Variants in NR2C2 observed in about 807,000 individuals in gnomAD.
NR2C2 encodes Nuclear hormone receptor TR4.
Under a neutral mutation model 62.9 loss-of-function variants are expected in NR2C2, and 6 were observed. That is an observed-to-expected ratio of 0.10 (90% CI 0.05 to 0.19). The LOEUF is 0.19. Among genes scored for constraint, NR2C2 ranks in the 10% least tolerant of loss-of-function variants. The pLI, the probability that NR2C2 is intolerant of heterozygous loss-of-function variation, is 1.00. For missense variants in NR2C2, 479 were observed against 762.7 expected (o/e 0.63, Z 4.38); for synonymous variants, 272 against 273.8 (o/e 0.99, Z 0.07).
rs2042516799 is a variant in NR2C2 at position 15,048,029 on chromosome 3, T to G, written c.*5021T>G. On this transcript the variant is annotated 3_prime_UTR_variant, in exon 14 of 14. Coordinates refer to ENST00000425241, the MANE Select transcript of NR2C2 (RefSeq NM_001291694.2). ...GCCCAGCAGTAGTTGCTCATAGACC[T>G]GGGAAGCAGGGGCCTGCTGGAAGGA... is the stretch of plus-strand genomic sequence containing the variant. The G allele has an allele frequency of 6.6e-6, 1 of 152,634 alleles. No individual in the cohort carries two copies. The highest frequency in any genetic ancestry group is 1.9e-4 in the East Asian group (1 of 5,194). The allele number at this position is 152,634 out of a possible 1,614,324, so 9.5% of individuals were successfully genotyped here.
intron 1 of NR2C2, among the ~76,000 whole-genome samples, chr3:14,991,283 G>A (rs1034321177): frequency 6.6e-6 from 1 of 152,146 alleles, no homozygotes; most frequent in African/African-American, 2.4e-5. Flanking sequence ...TTATTGTAAG[G>A]TTCCAGTCCT....
At chr3:14,988,950 C>T (rs190994245) in intron 1 of NR2C2, among the ~76,000 whole-genome samples, 2 of 152,270 alleles carry the variant, frequency 1.3e-5, no homozygotes, top group African/African-American at 4.8e-5. Flanking sequence ...TTCTTTCAGC[C>T]TCCTTCTCCA....
intron 11 of NR2C2, among the ~76,000 whole-genome samples, chr3:15,036,143 C>T (rs2042097115): frequency 6.6e-6 from 1 of 151,788 alleles, no homozygotes. Context: ...TGAGCCGAGA[C>T]TGTGCCACTG....
chr3:15,042,477 G>A (rs1433537445), intron 13 of NR2C2: 2 of 177,800 alleles, frequency 1.1e-5, no homozygotes, highest in African/African-American at 4.7e-5. Flanking sequence ...AGTAAATACA[G>A]GTTTGTATTA....
intron 1 of NR2C2, among the ~76,000 whole-genome samples, chr3:14,984,686 C>T (rs1376464280): frequency 1.3e-5 from 2 of 152,176 alleles, no homozygotes; most frequent in Non-Finnish European, 2.9e-5. Context: ...AATCCATTCA[C>T]CTGTTGATGG....
intron 12 of NR2C2, chr3:15,038,726 C>T (rs1465894413): frequency 5.7e-6 from 1 of 175,536 alleles, no homozygotes; most frequent in African/African-American, 2.4e-5. Context: ...TCTTCCTTCC[C>T]AGCCCTTCAC....
intron 1 of NR2C2, among the ~76,000 whole-genome samples, chr3:14,955,889 A>G (rs2039511117): frequency 6.6e-6 from 1 of 152,166 alleles, no homozygotes; most frequent in African/African-American, 2.4e-5. Context: ...CTGATACTAT[A>G]AATATGTAAG....
At chr3:15,027,499 T>A (rs1473593894) in intron 7 of NR2C2, among the ~76,000 whole-genome samples, 1 of 152,222 alleles carries the variant, frequency 6.6e-6, no homozygotes, top group Non-Finnish European at 1.5e-5. Context: ...TCATTGTGAT[T>A]TTGATTTGCA....
chr3:15,010,888 G>A (rs2124972868), intron 2 of NR2C2, among the ~76,000 whole-genome samples: 1 of 152,276 alleles, frequency 6.6e-6, no homozygotes, highest in Non-Finnish European at 1.5e-5. Flanking sequence ...CTGGTTATCT[G>A]TGTGTGCTCT....
In NR2C2 at chr3:15,046,115, C is replaced by T. The variant is rs976767483; in HGVS notation, c.*3107C>T. ...TTAAGGAAGTGTGTTACCTACCATACTCTCCTAATTTGACATTTCTGTGTC... is the reference window on the plus strand; with the variant it reads ...TTAAGGAAGTGTGTTACCTACCATATTCTCCTAATTTGACATTTCTGTGTC... On this transcript the variant is annotated 3_prime_UTR_variant, in exon 14 of 14. Transcript: ENST00000425241. 1 of 152,240 alleles carries T rather than the reference C, an allele frequency of 6.6e-6. No individual in the cohort carries two copies. Among genetic ancestry groups the T allele is most frequent in the Non-Finnish European group, 1.5e-5 (1 of 68,044 alleles). 9.4% of individuals were successfully genotyped at this position (152,240 alleles called of 1,614,324 possible). A position where few individuals can be genotyped will look rare whatever the true frequency, so the allele number is the denominator to read the frequency against.
intron 1 of NR2C2, among the ~76,000 whole-genome samples, chr3:14,955,662 A>G (rs1027400607): frequency 1.3e-5 from 2 of 152,196 alleles, no homozygotes; most frequent in Admixed American, 6.5e-5. Context: ...TATGCTAAGG[A>G]TTAAATCATG....
intron 1 of NR2C2, among the ~76,000 whole-genome samples, chr3:14,997,839 G>T (rs1055717807): frequency 1.3e-5 from 2 of 152,026 alleles, no homozygotes; most frequent in African/African-American, 4.8e-5. Flanking sequence ...ATACAGCTTA[G>T]TGGGTTTTAG....
chr3:14,991,442 A>T (rs2124836727), intron 1 of NR2C2, among the ~76,000 whole-genome samples: 1 of 152,320 alleles, frequency 6.6e-6, no homozygotes, highest in East Asian at 1.9e-4. Flanking sequence ...AAACTAAAGG[A>T]GGGTATGTGG....
rs559625229 is a variant in NR2C2 at position 15,031,148 on chromosome 3, A to C, written c.1110+696A>C. The stretch of plus-strand genomic sequence containing the variant: ...TCTTCTCTGTGTCATAGAAACCCTC[A>C]TATAAAATCTACAACAAGCAGGCAG... On this transcript the variant is annotated intron_variant, in intron 9 of 13. Coordinates refer to ENST00000425241, the MANE Select transcript of NR2C2 (RefSeq NM_001291694.2). Among the ~76,000 whole-genome samples, 16 of 152,222 alleles carry C rather than the reference A, an allele frequency of 1.1e-4. No individual in the cohort carries two copies. The South Asian group carries it at 3.3e-3, about 32-fold the overall frequency.
intron 2 of NR2C2, among the ~76,000 whole-genome samples, chr3:15,013,261 A>G (rs1476239366): frequency 2.0e-5 from 3 of 152,156 alleles, no homozygotes; most frequent in East Asian, 3.8e-4. Flanking sequence ...GATTGCCTAC[A>G]TTTGTTATTA....
intron 1 of NR2C2, among the ~76,000 whole-genome samples, chr3:14,984,979 T>C (rs1251432019): frequency 6.6e-6 from 1 of 152,200 alleles, no homozygotes; most frequent in Non-Finnish European, 1.5e-5. Context: ...GGCATTCTAA[T>C]AGATGTGTAC....
intron 1 of NR2C2, among the ~76,000 whole-genome samples, chr3:14,973,428 C>G (rs2040108505): frequency 6.6e-6 from 1 of 152,068 alleles, no homozygotes; most frequent in African/African-American, 2.4e-5. Flanking sequence ...AAGACAGGGT[C>G]TTGCTATGCC....
chr3:15,027,436 G>C (rs1391252637), intron 7 of NR2C2, among the ~76,000 whole-genome samples: 1 of 152,242 alleles, frequency 6.6e-6, no homozygotes. Context: ...ACCAACACTT[G>C]TTATTATCCA....
chr3:14,958,112 ATG>A (rs1156324568), intron 1 of NR2C2, among the ~76,000 whole-genome samples: 1 of 152,152 alleles, frequency 6.6e-6, no homozygotes, highest in Non-Finnish European at 1.5e-5. Context: ...GCAGAGAGCA[ATG>A]TGTCTTCCCC....
Sources: gnomAD v4.1 joint callset for allele counts (sites outside exome capture counted in the v4.1 genomes callset) on GRCh38, gnomAD v4.1.1 for gene constraint, MANE v1.5 for transcripts, NCBI Gene and HGNC (gene_info 2026-07-23, HGNC 2026-07-21) for gene names.